BAG6: variants seen among roughly 807,000 people sequenced by gnomAD.
BAG6 encodes BAG cochaperone 6.
BAG6 carries 22 observed loss-of-function variants against 121.0 expected under a neutral mutation model. That is an observed-to-expected ratio of 0.18 (90% CI 0.13 to 0.26). The LOEUF is 0.26. Ranked by LOEUF, BAG6 falls within the 10% of genes least tolerant of loss-of-function variation. The pLI, the probability that BAG6 is intolerant of heterozygous loss-of-function variation, is 1.00. For synonymous variants in BAG6, 583 were observed against 584.6 expected (o/e 1.00, Z 0.04); for missense variants, 1,233 against 1,537.7 (o/e 0.80, Z 3.31).
chr6:31,648,847 C>T (rs1025746663), intron 5 of BAG6, 64 bp downstream of exon 5: 3 of 1,580,218 alleles, frequency 1.9e-6, no homozygotes, highest in African/African-American at 2.7e-5. Context: ...CAGCCAGGTC[C>T]ACCCCACCTC....
In BAG6 at chr6:31,652,561, T is replaced by A. The variant is rs1173722269; in HGVS notation, c.-151A>T. ...TCCGCAGCCCCAAACAGTGAGTTTC[T>A]GAGGGCGAGTCGGGCCGGGGCCGGC... On this transcript the variant is annotated 5_prime_UTR_variant, in exon 1 of 26. Coordinates refer to ENST00000676615, the MANE Select transcript of BAG6 (RefSeq NM_001387994.1). 6.6e-6 allele frequency: 1 copy of A among 152,322 alleles called. No homozygotes were observed. Among genetic ancestry groups the A allele is most frequent in the Non-Finnish European group, 1.5e-5 (1 of 68,070 alleles). 9.4% of individuals were successfully genotyped at this position (152,322 alleles called of 1,614,324 possible). A position where few individuals can be genotyped will look rare whatever the true frequency, so the allele number is the denominator to read the frequency against.
At chr6:31,651,814 C>G (rs776676359) in intron 1 of BAG6, 38 bp from the exon 2 acceptor site, 1 of 1,525,476 alleles carries the variant, frequency 6.6e-7, no homozygotes, top group Non-Finnish European at 9.1e-7. Context: ...CGCTGTTGCC[C>G]AGACCAGAGT....
At chr6:31,643,238 GA>G in intron 14 of BAG6, 123 bp from the exon 15 acceptor site, 1 of 923,524 alleles carries the variant, frequency 1.1e-6, no homozygotes, top group Admixed American at 3.0e-5. Flanking sequence ...CACATAGCAA[GA>G]CCCCATCTCT....
intron 6 of BAG6, 116 bp downstream of exon 6, chr6:31,648,561 G>A (rs1024821437): frequency 1.0e-6 from 1 of 958,566 alleles, no homozygotes; most frequent in Non-Finnish European, 1.6e-6. Context: ...CTGCAGAGAA[G>A]ACTAGATTAT....
Position 31,640,317 on chromosome 6 carries a change from A to G in BAG6, c.3139-11T>C. ...AATAGGGACCCATTCCTGGGGAGGAAAAGAGAAAATAGTAATGTCCTTGAC... is the reference window on the plus strand; with the variant it reads ...AATAGGGACCCATTCCTGGGGAGGAGAAGAGAAAATAGTAATGTCCTTGAC... On this transcript the variant is annotated splice_polypyrimidine_tract_variant and intron_variant, in intron 23 of 25. Coordinates refer to ENST00000676615, the MANE Select transcript of BAG6 (RefSeq NM_001387994.1). This position sits in a 1 kb window ranked among gnomAD's most constrained non-coding sequence, Gnocchi z 4.2. The G allele has an allele frequency of 6.2e-7, 1 of 1,614,176 alleles. No homozygotes were observed. Among genetic ancestry groups the G allele is most frequent in the Non-Finnish European group, 8.5e-7 (1 of 1,180,024 alleles).
At chr6:31,642,059 C>A in intron 16 of BAG6, 53 bp downstream of exon 16, 1 of 1,597,354 alleles carries the variant, frequency 6.3e-7, no homozygotes, top group Non-Finnish European at 8.5e-7. Flanking sequence ...AGGCCATCTA[C>A]ATTCCTCTGG....
intron 3 of BAG6, 56 bp from the exon 4 acceptor site, chr6:31,649,451 T>C: frequency 6.2e-7 from 1 of 1,611,130 alleles, no homozygotes; most frequent in Non-Finnish European, 8.5e-7. Flanking sequence ...ACCCATGGCC[T>C]CAGTTCATCC....
chr6:31,645,698 G>A, intron 8 of BAG6, 94 bp from the exon 9 acceptor site: 10 of 1,456,842 alleles, frequency 6.9e-6, no homozygotes, highest in South Asian at 2.4e-5. Flanking sequence ...AGAATACCAT[G>A]TCCTCCAAAA....
In BAG6 at chr6:31,643,003, C is replaced by G; in HGVS notation, c.1869G>C (p.Gln623His). Residue 623 changes from glutamine (Q) to histidine (H), a missense_variant, in exon 15 of 26, where the codon CAG becomes CAC. Transcript: ENST00000676615. The part of the protein sequence containing the change: ...TAGPAPGGPA[Q>H]PPPTPQPSMA... ...TGGAGGGTTGAGGGGTGGGTGGAGG[C>G]TGGGCAGGCCCCCCAGGAGCGGGGC... The G allele has an allele frequency of 6.3e-7, 1 of 1,593,290 alleles. No homozygotes were observed. The highest frequency in any genetic ancestry group is 1.1e-5 in the South Asian group (1 of 87,882).
In BAG6 at chr6:31,647,788, G is replaced by A. The variant is rs1378732196; in HGVS notation, c.591C>T (p.Pro197=). 6.3e-7 allele frequency: 1 copy of A among 1,581,922 alleles called. No homozygotes were observed. The highest frequency in any genetic ancestry group is 8.6e-7 in the Non-Finnish European group (1 of 1,167,730). ...GGPQPQHSQP[P]PQPPAVTPEP... is the part of the protein sequence containing the mutation. ...CCGGGGTCACAGCCGGTGGCTGCGG[G>A]GGCGGCTGACTGTGCTGCGGTTGGG... Residue 197 remains proline, a synonymous_variant, in exon 7 of 26, where the codon CCC becomes CCT. Coordinates refer to ENST00000676615, the MANE Select transcript of BAG6 (RefSeq NM_001387994.1).
chr6:31,644,130 TGGA>T lies in BAG6; in HGVS notation c.1617_1619del (p.Pro540del), dbSNP rs1786076078. 1 of 1,613,962 alleles carries T rather than the reference TGGA, an allele frequency of 6.2e-7. No individual in the cohort carries two copies. Among genetic ancestry groups the T allele is most frequent in the Non-Finnish European group, 8.5e-7 (1 of 1,179,944 alleles). ...CTCCAGGATGGGAAGGCCGAGCCTG[TGGA>T]GGAGTGGGCCGGGCAATCACCACCC... is the stretch of plus-strand genomic sequence containing the variant. On this transcript the variant is annotated inframe_deletion, in exon 13 of 26. Transcript: ENST00000676615. This position sits in a 1 kb window ranked among gnomAD's most constrained non-coding sequence, Gnocchi z 4.9.
chr6:31,639,438 G>A (rs1310330556), intron 25 of BAG6, 62 bp downstream of exon 25: 1 of 1,569,156 alleles, frequency 6.4e-7, no homozygotes, highest in Non-Finnish European at 8.7e-7. Context: ...GGGATCCAGG[G>A]AAGAGGGACC....
chr6:31,639,951 G>A (rs553612770), intron 24 of BAG6, among the ~76,000 whole-genome samples: 8 of 152,288 alleles, frequency 5.3e-5, no homozygotes, highest in African/African-American at 1.4e-4. Flanking sequence ...AGGAAAATGG[G>A]ATCTAAGCAC....
At position 31,641,952 on chromosome 6, in the gene BAG6, G is replaced by GA. The variant is rs774316272; in HGVS notation, c.2336-8dup. 3.3e-5 allele frequency: 53 copies of GA among 1,612,668 alleles called. No individual in the cohort carries two copies. The Middle Eastern group carries it at 9.9e-4, about 30-fold the overall frequency. On this transcript the variant is annotated splice_region_variant and splice_polypyrimidine_tract_variant and intron_variant, in intron 16 of 25. Transcript: ENST00000676615. This position sits in a 1 kb window ranked among gnomAD's most constrained non-coding sequence, Gnocchi z 5.7. Reference sequence around the variant, plus strand: ...AGCAAGGCCCCAAAGAATCCTGGGGGACAAGGGCAGATGTTAGCAATGGCC... The same window carrying GA: ...AGCAAGGCCCCAAAGAATCCTGGGGGAACAAGGGCAGATGTTAGCAATGGCC...
Position 31,640,074 on chromosome 6 carries a change from T to C in BAG6, c.3246+125A>G, listed in dbSNP as rs1302521204. 2 of 935,770 alleles carry C rather than the reference T, an allele frequency of 2.1e-6. No homozygotes were observed. Among genetic ancestry groups the C allele is most frequent in the Non-Finnish European group, 1.6e-6 (1 of 614,668 alleles). The allele number at this position is 935,770 out of a possible 1,614,324, so 58.0% of individuals were successfully genotyped here. ...GCAAGTCTGAATCCCAGAAAAAGTTTCCTCATTAAACGAGGGGAGGGGAGA... is the reference window on the plus strand; with the variant it reads ...GCAAGTCTGAATCCCAGAAAAAGTTCCCTCATTAAACGAGGGGAGGGGAGA... On this transcript the variant is annotated intron_variant, in intron 24 of 25. Transcript: ENST00000676615. This position sits in a 1 kb window ranked among gnomAD's most constrained non-coding sequence, Gnocchi z 4.2.
In BAG6 at chr6:31,649,614, T is replaced by C. The variant is rs1290951887; in HGVS notation, c.122A>G (p.Glu41Gly). 4 of 1,613,620 alleles carry C rather than the reference T, an allele frequency of 2.5e-6. No homozygotes were observed. Among genetic ancestry groups the C allele is most frequent in the Non-Finnish European group, 3.4e-6 (4 of 1,179,768 alleles). The change falls in exon 3 of 26, where the codon GAG becomes GGG. Residue 41 changes from glutamate (E) to glycine (G), a missense_variant. Transcript: ENST00000676615. ...AGAGGCAGCAATGTGCTCCTTAAAC[T>C]CTTTTACATTCATCTGAAAAGAAGA... is the stretch of plus-strand genomic sequence containing the variant. ...FIVGAQMNVK[E>G]FKEHIAASVS...
intron 6 of BAG6, 49 bp from the exon 7 acceptor site, chr6:31,647,875 C>T: frequency 2.0e-6 from 3 of 1,501,444 alleles, no homozygotes; most frequent in South Asian, 1.4e-5. Flanking sequence ...AAGACTGCTG[C>T]AGAGGATTAC....
In BAG6 at chr6:31,640,938, G is replaced by A. The variant is rs761091377; in HGVS notation, c.2788C>T (p.Arg930Cys). ...ELAAVINGRI[R>C]RMSRGVNPSL... is the part of the protein sequence containing the mutation. ...GGATTCACCCCACGAGACATACGAC[G>A]CTGAGGGACAGAAAGCAGATTTAGA... is the stretch of plus-strand genomic sequence containing the variant. Residue 930 changes from arginine (R) to cysteine (C), a missense_variant and splice_region_variant, in exon 21 of 26, where the codon CGT (arginine) becomes TGT (cysteine). Transcript: ENST00000676615. This position sits in a 1 kb window ranked among gnomAD's most constrained non-coding sequence, Gnocchi z 4.2. 13 of 1,611,844 alleles carry A rather than the reference G, an allele frequency of 8.1e-6. No individual in the cohort carries two copies. The South Asian group carries it at 9.9e-5, about 12-fold the overall frequency.
rs750513278 is a variant in BAG6, at chr6:31,649,160, C to A, written c.423+39G>T. ...TTCCCTGGTGCTACCACAACCAAAG[C>A]TACCCACAAAAGCCCTCCCCTGTGG... On this transcript the variant is annotated intron_variant, in intron 4 of 25. Transcript: ENST00000676615. 3 of 1,608,392 alleles carry A rather than the reference C, an allele frequency of 1.9e-6. No individual in the cohort carries two copies. The South Asian group carries it at 3.3e-5, about 18-fold the overall frequency.
Sources: gnomAD v4.1 joint callset for allele counts (sites outside exome capture counted in the v4.1 genomes callset) on GRCh38, gnomAD v4.1.1 for gene constraint, Gnocchi (gnomAD v3.1) non-coding constraint, MANE v1.5 for transcripts, NCBI Gene and HGNC (gene_info 2026-07-23, HGNC 2026-07-21) for gene names.